Variants in ZNF251 observed in about 807,000 individuals in gnomAD.
ZNF251 encodes zinc finger protein 251.
ZNF251 carries 14 observed loss-of-function variants against 13.5 expected under a neutral mutation model. That is an observed-to-expected ratio of 1.04 (90% CI 0.69 to 1.63). The LOEUF is 1.63. Among genes scored for constraint, ZNF251 ranks in the 40% most tolerant of loss-of-function variants. ZNF251 has a pLI of 0.00. For synonymous variants in ZNF251, 287 were observed against 295.2 expected (o/e 0.97, Z 0.28); for missense variants, 764 against 834.9 (o/e 0.92, Z 1.05).
At position 144,746,267 on chromosome 8, in the gene ZNF251, T is replaced by G. The variant is rs117428178; in HGVS notation, c.277+7416A>C. Among the ~76,000 whole-genome samples the G allele has an allele frequency of 5.7e-3, 865 of 152,364 alleles. 4 individuals are homozygous for G. The highest frequency in any genetic ancestry group is 9.0e-3 in the Non-Finnish European group (611 of 68,030). On this transcript the variant is annotated intron_variant, in intron 4 of 4. Transcript: ENST00000292562. ...GACCACATGATCTTTCTTCAGCCTG[T>G]TGATGTGGTACATCACATTACATTA...
chr8:144,732,826 A>AT (rs1823760504), intron 4 of ZNF251, among the ~76,000 whole-genome samples: 1 of 149,378 alleles, frequency 6.7e-6, no homozygotes, highest in Admixed American at 6.6e-5. Flanking sequence ...AAAAAAAAAA[A>AT]AAAATACATT....
chr8:144,732,745 G>A (rs1257045318), intron 4 of ZNF251, among the ~76,000 whole-genome samples: 1 of 151,212 alleles, frequency 6.6e-6, no homozygotes, highest in Non-Finnish European at 1.5e-5. Flanking sequence ...CCGGGAGGCG[G>A]AGCTTGCAGT....
At chr8:144,745,229 T>C (rs1250555620) in intron 4 of ZNF251, among the ~76,000 whole-genome samples, 1 of 151,536 alleles carries the variant, frequency 6.6e-6, no homozygotes. Flanking sequence ...GTTCAGTTAT[T>C]CCAGCACCAT....
At chr8:144,730,344 A>C (rs1486896908) in intron 4 of ZNF251, among the ~76,000 whole-genome samples, 12 of 148,436 alleles carry the variant, frequency 8.1e-5, no homozygotes, top group African/African-American at 2.2e-4. Flanking sequence ...CTGGCATGTG[A>C]CGCTGCGACG....
chr8:144,733,892 C>T (rs183580364), intron 4 of ZNF251, among the ~76,000 whole-genome samples: 22 of 152,340 alleles, frequency 1.4e-4, no homozygotes, highest in Admixed American at 1.4e-3. Flanking sequence ...AGGGAGCGCA[C>T]CCATGCTTAG....
At chr8:144,746,453 T>C (rs998471752) in intron 4 of ZNF251, among the ~76,000 whole-genome samples, 23 of 152,236 alleles carry the variant, frequency 1.5e-4, no homozygotes, top group Non-Finnish European at 8.8e-5. Context: ...AGTTTCCTTT[T>C]CTTGTAATGT....
intron 3 of ZNF251, 102 bp downstream of exon 3, chr8:144,754,090 A>G: frequency 6.8e-7 from 1 of 1,463,298 alleles, no homozygotes; most frequent in Non-Finnish European, 9.2e-7. Flanking sequence ...ACCCGGGGAC[A>G]AGGGGCAGGA....
Position 144,721,352 on chromosome 8 carries a change from G to A in ZNF251, c.*292C>T. On this transcript the variant is annotated 3_prime_UTR_variant, in exon 5 of 5. Transcript: ENST00000292562. ...GGATGTCAGGTAGGGTAGACCCAGA[G>A]CACCAGCTGGGCTCACTTTTCACGC... 5.1e-6 allele frequency: 2 copies of A among 393,040 alleles called. No individual in the cohort carries two copies. The allele number at this position is 393,040 out of a possible 1,614,324, so 24.3% of individuals were successfully genotyped here.
chr8:144,754,126 C>T, intron 3 of ZNF251, 66 bp downstream of exon 3: 2 of 1,557,706 alleles, frequency 1.3e-6, no homozygotes, highest in South Asian at 1.2e-5. Flanking sequence ...TCCAAAGAGC[C>T]AAAGCAGCCT....
chr8:144,745,951 T>A (rs1824408197), intron 4 of ZNF251, among the ~76,000 whole-genome samples: 1 of 152,190 alleles, frequency 6.6e-6, no homozygotes, highest in Admixed American at 6.5e-5. Context: ...TCTTCATTTA[T>A]TTAGCTCTTC....
chr8:144,738,337 T>C (rs754390753), intron 4 of ZNF251, among the ~76,000 whole-genome samples: 1 of 152,172 alleles, frequency 6.6e-6, no homozygotes, highest in Non-Finnish European at 1.5e-5. Context: ...TATCCGCCTA[T>C]TGAGCTCGAT....
Position 144,746,097 on chromosome 8 carries a change from G to A in ZNF251, c.277+7586C>T, listed in dbSNP as rs2722494. ...TTTTAACTTCAAATTCCACTTCTTC[G>A]TTGCCAGTATAAAGGAAAATGTAGA... On this transcript the variant is annotated intron_variant, in intron 4 of 4. Transcript: ENST00000292562. 0.026 allele frequency among the ~76,000 whole-genome samples: 3,949 copies of A among 152,086 alleles called. 454 individuals are homozygous for A. The East Asian group carries it at 0.37, about 14-fold the overall frequency.
At position 144,732,811 on chromosome 8, in the gene ZNF251, CAAA is replaced by C. The variant is rs34248117; in HGVS notation, c.278-9432_278-9430del. On this transcript the variant is annotated intron_variant, in intron 4 of 4. Coordinates refer to ENST00000292562, the MANE Select transcript of ZNF251 (RefSeq NM_138367.2). ...TGGGCGACAGAGCGAGACTCCGTCT[CAAA>C]AAAAAAAAAAAAAAAATACATTGGA... Among the ~76,000 whole-genome samples, 859 of 106,702 alleles carry C rather than the reference CAAA, an allele frequency of 8.1e-3. 7 individuals carry two copies. The highest frequency in any genetic ancestry group is 0.026 in the African/African-American group (759 of 29,468). 70.0% of individuals were successfully genotyped at this position (106,702 alleles called of 152,430 possible).
rs1425433628 is a variant in ZNF251, at chr8:144,722,530, T to C, written c.1130A>G (p.His377Arg). The C allele has an allele frequency of 1.2e-6, 2 of 1,613,712 alleles. No individual in the cohort carries two copies. Among genetic ancestry groups the C allele is most frequent in the Admixed American group, 1.7e-5 (1 of 59,996 alleles). ...HERIHTGEKP[H>R]KCNQCGKAFS... ...GGCCTTCCCACACTGATTGCATTTA[T>C]GGGGCTTCTCTCCAGTGTGAATTCT... is the stretch of plus-strand genomic sequence containing the variant. The change falls in exon 5 of 5, where the codon CAT (histidine) becomes CGT (arginine). Residue 377 changes from histidine to arginine, a missense_variant. Transcript: ENST00000292562. The surrounding 1 kb of genome is among the most constrained non-coding windows in gnomAD (Gnocchi z 4.8).
At chr8:144,735,646 C>A (rs1004803200) in intron 4 of ZNF251, among the ~76,000 whole-genome samples, 7 of 152,142 alleles carry the variant, frequency 4.6e-5, no homozygotes, top group African/African-American at 1.7e-4. Flanking sequence ...CTCGGAGCCT[C>A]CGTGCCGTGG....
chr8:144,755,328 GCCTCCCCGCGC>G (rs535471520), intron 1 of ZNF251, 66 bp downstream of exon 1: 14,917 of 1,280,544 alleles, frequency 0.012, 107 homozygotes, highest in Non-Finnish European at 0.013. Context: ...ACTGGCCGCC[GCCTCCCCGCGC>G]CCTCCCCGCG....
At position 144,721,727 on chromosome 8, in the gene ZNF251, C is replaced by A; in HGVS notation, c.1933G>T (p.Val645Phe). Residue 645 changes from valine (V) to phenylalanine (F), a missense_variant, in exon 5 of 5, where the codon GTT becomes TTT. Val to Phe is a conservative substitution (Grantham distance 50). Coordinates refer to ENST00000292562, the MANE Select transcript of ZNF251 (RefSeq NM_138367.2). ...TCATTTAAAGCAGGTTTCTCTCCAACACGAGTCTGCTGAGGTGGTGTGAGC... is the reference window on the plus strand; with the variant it reads ...TCATTTAAAGCAGGTTTCTCTCCAAAACGAGTCTGCTGAGGTGGTGTGAGC... The part of the protein sequence containing the change: ...SQLTPPQQTR[V>F]GEKPALNDGS... 2 of 1,385,252 alleles carry A rather than the reference C, an allele frequency of 1.4e-6. No homozygotes were observed. The highest frequency in any genetic ancestry group is 1.9e-6 in the Non-Finnish European group (2 of 1,061,986). The allele number at this position is 1,385,252 out of a possible 1,614,324, so 85.8% of individuals were successfully genotyped here. A position where few individuals can be genotyped will look rare whatever the true frequency, so the allele number is the denominator to read the frequency against.
In ZNF251 at chr8:144,722,582, G is replaced by A. The variant is rs749634414; in HGVS notation, c.1078C>T (p.Arg360Ter). Residue 360 changes from arginine to a stop codon, truncating the protein, a stop_gained, in exon 5 of 5, where the codon CGA becomes TGA. Transcript: ENST00000292562. LOFTEE classifies it low-confidence loss of function (END_TRUNC). The surrounding 1 kb of genome is among the most constrained non-coding windows in gnomAD (Gnocchi z 4.8). ...ECSHCGKAFS[R>*]SSSLIQHERI... ...TCATGCTGAATAAGGCTGGAGCTTC[G>A]ACTGAAGGCCTTCCCACAGTGACTG... 6.8e-6 allele frequency: 11 copies of A among 1,613,940 alleles called. No individual in the cohort carries two copies. The highest frequency in any genetic ancestry group is 4.2e-6 in the Non-Finnish European group (5 of 1,180,006).
intron 4 of ZNF251, among the ~76,000 whole-genome samples, chr8:144,745,696 G>A (rs909586658): frequency 1.3e-5 from 2 of 152,000 alleles, no homozygotes; most frequent in Non-Finnish European, 2.9e-5. Flanking sequence ...ATAGGCACAT[G>A]CCACCAGGCC....
Sources: allele counts gnomAD v4.1 joint callset (sites outside exome capture counted in the v4.1 genomes callset), GRCh38; gene constraint gnomAD v4.1.1; non-coding constraint Gnocchi (gnomAD v3.1); transcripts MANE v1.5; gene names NCBI Gene and HGNC (gene_info 2026-07-23, HGNC 2026-07-21).